Variants in GRK3 observed in about 807,000 individuals in gnomAD.
GRK3 encodes the protein adrenergic, beta, receptor kinase 2.
Under a neutral mutation model 95.7 loss-of-function variants are expected in GRK3, and 54 were observed. The observed-to-expected ratio is 0.56, with a 90% CI of 0.45 to 0.71. The LOEUF is 0.71. Ranked by LOEUF, GRK3 falls within the 30% of genes least tolerant of loss-of-function variation. The pLI is 0.00. For synonymous variants in GRK3, 281 were observed against 290.8 expected, an observed-to-expected ratio of 0.97 and a Z score of 0.34; for missense variants, 649 against 851.2, an observed-to-expected ratio of 0.76 and a Z score of 2.96.
intron 1 of GRK3, among the ~76,000 whole-genome samples, chr22:25,566,385 T>C (rs1346703346): frequency 3.3e-5 from 5 of 152,254 alleles, no homozygotes; most frequent in Admixed American, 2.0e-4. Context: ...TCATCTGATT[T>C]TTTTTACAAG....
At chr22:25,680,572 G>C (rs1037480053) in intron 9 of GRK3, among the ~76,000 whole-genome samples, 1 of 152,160 alleles carries the variant, frequency 6.6e-6, no homozygotes, top group Non-Finnish European at 1.5e-5. Context: ...TTTGACTCAG[G>C]TGAGAGGAGA....
At chr22:25,708,250 C>G (rs1481675585) in intron 15 of GRK3, among the ~76,000 whole-genome samples, 2 of 152,016 alleles carry the variant, frequency 1.3e-5, no homozygotes, top group Non-Finnish European at 2.9e-5. Context: ...AACACCACCC[C>G]TAAGCGAGAG....
chr22:25,627,673 C>CA (rs2084637522), intron 2 of GRK3, among the ~76,000 whole-genome samples: 1 of 152,192 alleles, frequency 6.6e-6, no homozygotes, highest in East Asian at 1.9e-4. Context: ...GAAAAATAAA[C>CA]AAAAACAGAC....
intron 8 of GRK3, among the ~76,000 whole-genome samples, chr22:25,676,592 G>C (rs1450334084): frequency 6.6e-6 from 1 of 151,816 alleles, no homozygotes; most frequent in African/African-American, 2.4e-5. Flanking sequence ...TCGAGAGGCT[G>C]AGGCAGGAGA....
intron 3 of GRK3, among the ~76,000 whole-genome samples, chr22:25,645,949 G>A (rs1159271842): frequency 6.6e-6 from 1 of 151,610 alleles, no homozygotes; most frequent in Admixed American, 6.6e-5. Flanking sequence ...CAGGGTTAAG[G>A]CAAAAGCAGA....
intron 18 of GRK3, 87 bp from the exon 19 acceptor site, chr22:25,718,158 C>A (rs2085401563): frequency 1.4e-6 from 2 of 1,438,428 alleles, no homozygotes; most frequent in African/African-American, 1.4e-5. Context: ...TTCCAAAAAG[C>A]ATGTCTGTTC....
intron 9 of GRK3, among the ~76,000 whole-genome samples, chr22:25,683,338 G>A (rs1569193418): frequency 6.6e-6 from 1 of 152,230 alleles, no homozygotes; most frequent in East Asian, 1.9e-4. Flanking sequence ...GAATATTCTT[G>A]TCCAGGTATC....
chr22:25,599,131 A>G (rs919286039), intron 1 of GRK3, among the ~76,000 whole-genome samples: 2 of 152,244 alleles, frequency 1.3e-5, no homozygotes, highest in African/African-American at 4.8e-5. Flanking sequence ...GGAAGAAAGC[A>G]TAAGAAAAAG....
At chr22:25,672,874 A>C (rs2084993954) in intron 7 of GRK3, among the ~76,000 whole-genome samples, 1 of 152,106 alleles carries the variant, frequency 6.6e-6, no homozygotes, top group African/African-American at 2.4e-5. Context: ...TAAGTTTTCA[A>C]TTTCAGTCAT....
chr22:25,585,793 C>T (rs185625352), intron 1 of GRK3, among the ~76,000 whole-genome samples: 1 of 152,314 alleles, frequency 6.6e-6, no homozygotes, highest in South Asian at 2.1e-4. Context: ...AATCCTGGGT[C>T]ATCACATAAA....
At chr22:25,718,069 C>T (rs1013168726) in intron 18 of GRK3, among the ~76,000 whole-genome samples, 176 bp from the exon 19 acceptor site, 1 of 152,324 alleles carries the variant, frequency 6.6e-6, no homozygotes, top group African/African-American at 2.4e-5. Context: ...ACCCTCTGAT[C>T]TTTAGATCCC....
chr22:25,579,088 T>G (rs1033961730), intron 1 of GRK3, among the ~76,000 whole-genome samples: 3 of 152,116 alleles, frequency 2.0e-5, no homozygotes, highest in Non-Finnish European at 4.4e-5. Context: ...TATCCTGCCT[T>G]TCCTGTAAAA....
At chr22:25,661,702 A>G in intron 4 of GRK3, 25 bp downstream of exon 4, 2 of 1,369,096 alleles carry the variant, frequency 1.5e-6, no homozygotes, top group Non-Finnish European at 2.1e-6. Context: ...TTACTCTGTT[A>G]CTTTAGTACT....
intron 2 of GRK3, among the ~76,000 whole-genome samples, chr22:25,629,801 G>T (rs985929993): frequency 6.6e-6 from 1 of 152,208 alleles, no homozygotes. Context: ...TGAAGGATGA[G>T]TTGGAAAGGA....
intron 12 of GRK3, among the ~76,000 whole-genome samples, chr22:25,692,023 G>C (rs906631098): frequency 1.3e-5 from 2 of 152,122 alleles, no homozygotes; most frequent in Non-Finnish European, 2.9e-5. Context: ...GAGTACAGTG[G>C]TGTGATCACG....
intron 15 of GRK3, among the ~76,000 whole-genome samples, chr22:25,707,315 G>C (rs1253998980): frequency 6.6e-6 from 1 of 152,150 alleles, no homozygotes; most frequent in Non-Finnish European, 1.5e-5. Context: ...ACAATGATGG[G>C]TACAAAATGG....
chr22:25,678,790 A>G (rs1304967301), intron 8 of GRK3, 26 bp from the exon 9 acceptor site: 1 of 1,398,264 alleles, frequency 7.2e-7, no homozygotes. Context: ...TACGGCATAG[A>G]TTTTTCAATA....
intron 10 of GRK3, among the ~76,000 whole-genome samples, chr22:25,687,151 T>C (rs1366345942): frequency 1.3e-5 from 2 of 152,064 alleles, no homozygotes; most frequent in Non-Finnish European, 2.9e-5. Flanking sequence ...TTTTTGTTTT[T>C]TTTTGTCTAT....
chr22:25,679,260 A>C (rs1484139012), intron 9 of GRK3, among the ~76,000 whole-genome samples: 1 of 152,240 alleles, frequency 6.6e-6, no homozygotes, highest in Non-Finnish European at 1.5e-5. Flanking sequence ...CCTAGAGGGG[A>C]AAAGTAAGAG....
Sources: gnomAD v4.1 joint callset for allele counts (sites outside exome capture counted in the v4.1 genomes callset) on GRCh38, gnomAD v4.1.1 for gene constraint, MANE v1.5 for transcripts, NCBI Gene and HGNC (gene_info 2026-07-23, HGNC 2026-07-21) for gene names.